Variants in L2HGDH observed in about 807,000 individuals in gnomAD.
L2HGDH encodes L-2-hydroxyglutarate dehydrogenase, mitochondrial.
Under a neutral mutation model 51.5 loss-of-function variants are expected in L2HGDH, and 34 were observed. That is an observed-to-expected ratio of 0.66 (90% CI 0.50 to 0.88). L2HGDH has a LOEUF of 0.88. Ranked by LOEUF, L2HGDH falls within the 40% of genes least tolerant of loss-of-function variation. L2HGDH has a pLI of 0.00. For synonymous variants in L2HGDH, 198 were observed against 197.9 expected (o/e 1.00, Z -0.01); for missense variants, 558 against 571.9 (o/e 0.98, Z 0.25).
intron 5 of L2HGDH, 150 bp from the exon 6 acceptor site, chr14:50,278,704 A>C (rs1404617617): frequency 1.7e-6 from 1 of 591,770 alleles, no homozygotes; most frequent in Non-Finnish European, 3.1e-6. Flanking sequence ...ACCAAATAAC[A>C]ATTAAACTAG....
intron 5 of L2HGDH, among the ~76,000 whole-genome samples, chr14:50,279,089 T>A (rs1890121569): frequency 6.6e-6 from 1 of 152,218 alleles, no homozygotes; most frequent in South Asian, 2.1e-4. Flanking sequence ...GTAGAGCAGA[T>A]AAATACAATC....
Position 50,278,513 on chromosome 14 carries a change from T to A in L2HGDH, c.738+7A>T. On this transcript the variant is annotated splice_region_variant and intron_variant, in intron 6 of 9. Transcript: ENST00000267436. ...AGTAGCCAGCAGTTTTGCTTAAGAATCTTTACCTTTGTATTCTTTATAACA... is the reference window on the plus strand; with the variant it reads ...AGTAGCCAGCAGTTTTGCTTAAGAAACTTTACCTTTGTATTCTTTATAACA... 6.7e-7 allele frequency: 1 copy of A among 1,482,774 alleles called. No homozygotes were observed. Among genetic ancestry groups the A allele is most frequent in the Non-Finnish European group, 9.4e-7 (1 of 1,067,064 alleles). The allele number at this position is 1,482,774 out of a possible 1,614,324, so 91.9% of individuals were successfully genotyped here. A position where few individuals can be genotyped will look rare whatever the true frequency, so the allele number is the denominator to read the frequency against.
chr14:50,277,501 C>G (rs1026640128), intron 6 of L2HGDH, among the ~76,000 whole-genome samples: 1 of 151,678 alleles, frequency 6.6e-6, no homozygotes, highest in Non-Finnish European at 1.5e-5. Context: ...GAGGGCCAGG[C>G]GTGGTAGCTC....
At chr14:50,271,521 C>G (rs1275518733) in intron 6 of L2HGDH, among the ~76,000 whole-genome samples, 1 of 151,950 alleles carries the variant, frequency 6.6e-6, no homozygotes, top group Non-Finnish European at 1.5e-5. Context: ...TTTAGGTAAC[C>G]ATCAAATGAT....
At chr14:50,257,551 T>C (rs887694825) in intron 9 of L2HGDH, among the ~76,000 whole-genome samples, 7 of 151,954 alleles carry the variant, frequency 4.6e-5, no homozygotes, top group African/African-American at 1.4e-4. Flanking sequence ...TAAAACTTTT[T>C]GTAGAGACAG....
At chr14:50,258,058 A>T (rs1888776029) in intron 9 of L2HGDH, among the ~76,000 whole-genome samples, 1 of 127,494 alleles carries the variant, frequency 7.8e-6, no homozygotes, top group South Asian at 2.5e-4. Flanking sequence ...GAAAATTTTA[A>T]ACACGTCAAA....
At chr14:50,262,680 A>G (rs8004516) in intron 9 of L2HGDH, among the ~76,000 whole-genome samples, 113,948 of 151,930 alleles carry the variant, frequency 0.75, 43,852 homozygotes, top group African/African-American at 0.93. Flanking sequence ...TACTACATGT[A>G]TAATCCGTAA....
chr14:50,281,210 A>G (rs1212474596), intron 5 of L2HGDH, among the ~76,000 whole-genome samples: 3 of 152,186 alleles, frequency 2.0e-5, no homozygotes, highest in African/African-American at 7.2e-5. Flanking sequence ...ACACTGGAAG[A>G]CTAATTTACA....
At chr14:50,265,548 C>T in intron 8 of L2HGDH, 59 bp from the exon 9 acceptor site, 1 of 1,379,094 alleles carries the variant, frequency 7.3e-7, no homozygotes, top group African/African-American at 1.5e-5. Flanking sequence ...ACGTAAAATA[C>T]CTTTATAATT....
In L2HGDH at chr14:50,243,271, T is replaced by A; in HGVS notation, c.*3787A>T. 1 of 985,338 alleles carries A rather than the reference T, an allele frequency of 1.0e-6. No homozygotes were observed. 61.0% of individuals were successfully genotyped at this position (985,338 alleles called of 1,614,324 possible). ...TACATCAAGAGTTCCTCACAAACAC[T>A]CTGAAGTTAAAATCTAAAATGCTCC... On this transcript the variant is annotated 3_prime_UTR_variant, in exon 10 of 10. Transcript: ENST00000267436.
chr14:50,263,337 T>C (rs906273335), intron 9 of L2HGDH, among the ~76,000 whole-genome samples: 13 of 152,236 alleles, frequency 8.5e-5, no homozygotes, highest in African/African-American at 2.7e-4. Context: ...ATCCCTTCTA[T>C]TTCAGAAGGT....
intron 9 of L2HGDH, among the ~76,000 whole-genome samples, chr14:50,260,684 G>A (rs574287968): frequency 2.2e-4 from 34 of 152,138 alleles, no homozygotes; most frequent in African/African-American, 7.2e-4. Flanking sequence ...CTATTTTGTA[G>A]TGTGAAGGTT....
At chr14:50,249,882 CT>C (rs747924080) in intron 9 of L2HGDH, among the ~76,000 whole-genome samples, 51 of 68,938 alleles carry the variant, frequency 7.4e-4, no homozygotes, top group East Asian at 4.4e-3. Flanking sequence ...GCTTACACTC[CT>C]TTTTTTTTTT....
intron 9 of L2HGDH, among the ~76,000 whole-genome samples, chr14:50,261,248 G>A (rs1173102624): frequency 1.3e-5 from 2 of 152,166 alleles, no homozygotes; most frequent in African/African-American, 4.8e-5. Flanking sequence ...CTTTATTGTA[G>A]AAATGTTTGA....
At chr14:50,307,832 C>G (rs570520304) in intron 1 of L2HGDH, among the ~76,000 whole-genome samples, 1 of 152,040 alleles carries the variant, frequency 6.6e-6, no homozygotes, top group African/African-American at 2.4e-5. Context: ...AAAACTAACA[C>G]AAAATTTTTT....
intron 9 of L2HGDH, among the ~76,000 whole-genome samples, chr14:50,257,104 T>C (rs902246593): frequency 1.2e-4 from 18 of 152,070 alleles, no homozygotes; most frequent in African/African-American, 4.1e-4. Flanking sequence ...AGTTTTTGTA[T>C]TTTTAGTAAA....
At position 50,267,769 on chromosome 14, in the gene L2HGDH, C is replaced by T; in HGVS notation, c.1048G>A (p.Asp350Asn). The T allele has an allele frequency of 6.2e-7, 1 of 1,610,716 alleles. No homozygotes were observed. The highest frequency in any genetic ancestry group is 8.5e-7 in the Non-Finnish European group (1 of 1,176,982). Residue 350 changes from aspartate (D) to asparagine (N), a missense_variant, in exon 8 of 10, where the codon GAT (aspartate) becomes AAT (asparagine). Asp to Asn is a conservative substitution (Grantham distance 23). Coordinates refer to ENST00000267436, the MANE Select transcript of L2HGDH (RefSeq NM_024884.3). The part of the protein sequence containing the change: ...PFDFSATDVM[D>N]IIINSGLIKL... ...TAATGTTACCTATTGATAATTATAT[C>T]CATAACATCTGTGGCACTGAAGTCA... is the stretch of plus-strand genomic sequence containing the variant.
chr14:50,248,201 A>G (rs1888121159), intron 9 of L2HGDH, among the ~76,000 whole-genome samples: 1 of 152,200 alleles, frequency 6.6e-6, no homozygotes, highest in Non-Finnish European at 1.5e-5. Context: ...ATTTGAATCC[A>G]ATGTTTTTGA....
chr14:50,304,743 G>C (rs2030628879), intron 1 of L2HGDH, among the ~76,000 whole-genome samples: 1 of 152,172 alleles, frequency 6.6e-6, no homozygotes, highest in Non-Finnish European at 1.5e-5. Flanking sequence ...GCTGAGGCAG[G>C]AGAATGGCGT....
Sources: allele counts gnomAD v4.1 joint callset (sites outside exome capture counted in the v4.1 genomes callset), GRCh38; gene constraint gnomAD v4.1.1; transcripts MANE v1.5; gene names NCBI Gene and HGNC (gene_info 2026-07-23, HGNC 2026-07-21).